SEPTIN10: variants seen among roughly 807,000 people sequenced by gnomAD.
SEPTIN10 encodes the protein septin-10.
Under a neutral mutation model 54.8 loss-of-function variants are expected in SEPTIN10, and 66 were observed. The ratio of observed to expected loss-of-function variants is 1.21; its 90% CI spans 0.99 to 1.48. SEPTIN10 has a LOEUF of 1.48. Ranked by LOEUF, SEPTIN10 falls within the 40% of genes most tolerant of loss-of-function variation. The pLI, the probability that SEPTIN10 is intolerant of heterozygous loss-of-function variation, is 0.00. For synonymous variants in SEPTIN10, 161 were observed against 181.0 expected (o/e 0.89, Z 0.89); for missense variants, 620 against 545.6 (o/e 1.14, Z -1.36).
At chr2:109,573,561 A>G (rs4953782) in intron 5 of SEPTIN10, among the ~76,000 whole-genome samples, 20,400 of 152,116 alleles carry the variant, frequency 0.13, 1,840 homozygotes, top group African/African-American at 0.26. Flanking sequence ...CGATGTGCCA[A>G]AGCTTCACTA....
chr2:109,560,945 A>T (rs1331744119), intron 8 of SEPTIN10, among the ~76,000 whole-genome samples: 2 of 152,300 alleles, frequency 1.3e-5, no homozygotes, highest in East Asian at 3.9e-4. Flanking sequence ...TAGTCAAAGA[A>T]ATGCTCTCCT....
In SEPTIN10 at chr2:109,543,348, T is replaced by C. The variant is rs1157349462; in HGVS notation, c.*961A>G. ...AAGGTACTTTATCCTTAGGAAAAAATAGCTTATATATCTGGATGTTTTAAC... is the reference window on the plus strand; with the variant it reads ...AAGGTACTTTATCCTTAGGAAAAAACAGCTTATATATCTGGATGTTTTAAC... On this transcript the variant is annotated 3_prime_UTR_variant, in exon 11 of 11. Transcript: ENST00000397712. 6 of 152,182 alleles carry C rather than the reference T, an allele frequency of 3.9e-5. No individual in the cohort carries two copies. Among genetic ancestry groups the C allele is most frequent in the African/African-American group, 7.2e-5 (3 of 41,446 alleles). The allele number at this position is 152,182 out of a possible 1,614,324, so 9.4% of individuals were successfully genotyped here. A position where few individuals can be genotyped will look rare whatever the true frequency, so the allele number is the denominator to read the frequency against.
chr2:109,571,827 C>T (rs1449618711), intron 5 of SEPTIN10, among the ~76,000 whole-genome samples: 1 of 152,190 alleles, frequency 6.6e-6, no homozygotes, highest in African/African-American at 2.4e-5. Context: ...AACAAGTGCT[C>T]ATTAGCTCTT....
At position 109,565,811 on chromosome 2, in the gene SEPTIN10, C is replaced by T. The variant is rs201356578; in HGVS notation, c.811G>A (p.Gly271Arg). The T allele has an allele frequency of 2.0e-4, 315 of 1,613,896 alleles. No individual in the cohort carries two copies. The highest frequency in any genetic ancestry group is 2.4e-4 in the Non-Finnish European group (284 of 1,180,004). Residue 271 changes from glycine (G) to arginine (R), a missense_variant, in exon 7 of 11, where the codon GGA becomes AGA. Physicochemically the swap from Gly to Arg is moderately radical, Grantham distance 125 (BLOSUM62 -2). Coordinates refer to ENST00000397712, the MANE Select transcript of SEPTIN10 (RefSeq NM_144710.5). ...VVGSMDEVKV[G>R]NKMVKARQYP... Reference sequence around the variant, plus strand: ...TGGCGAGCTTTGACCATCTTGTTTCCGACTTTTACCTCATCCATACTTCCC... The same window carrying T: ...TGGCGAGCTTTGACCATCTTGTTTCTGACTTTTACCTCATCCATACTTCCC...
intron 2 of SEPTIN10, among the ~76,000 whole-genome samples, chr2:109,589,154 C>T (rs1181062204): frequency 6.6e-6 from 1 of 151,432 alleles, no homozygotes; most frequent in Non-Finnish European, 1.5e-5. Flanking sequence ...TTTTGTTTTT[C>T]TTTTTTGAGA....
At chr2:109,596,293 T>G (rs185705490) in intron 1 of SEPTIN10, among the ~76,000 whole-genome samples, 1 of 152,232 alleles carries the variant, frequency 6.6e-6, no homozygotes, top group East Asian at 1.9e-4. Context: ...TTGCTTAGTG[T>G]TGATAAGTAA....
At chr2:109,586,569 C>T (rs961850250) in intron 2 of SEPTIN10, among the ~76,000 whole-genome samples, 7 of 152,130 alleles carry the variant, frequency 4.6e-5, no homozygotes, top group Non-Finnish European at 7.3e-5. Flanking sequence ...CCAAAATCTA[C>T]AAACACACTC....
chr2:109,574,454 A>AG, intron 5 of SEPTIN10, 127 bp downstream of exon 5: 1 of 619,566 alleles, frequency 1.6e-6, no homozygotes, highest in Admixed American at 4.5e-5. Context: ...AAAAAAAAAA[A>AG]AAAAAAAAAA....
chr2:109,568,417 G>C (rs1451943858), intron 5 of SEPTIN10, among the ~76,000 whole-genome samples: 1 of 148,766 alleles, frequency 6.7e-6, no homozygotes, highest in Admixed American at 6.7e-5. Flanking sequence ...TGTAACCCAG[G>C]CTGGAGTGCA....
At chr2:109,546,317 G>T in intron 9 of SEPTIN10, 80 bp from the exon 10 acceptor site, 3 of 872,208 alleles carry the variant, frequency 3.4e-6, no homozygotes, top group Non-Finnish European at 5.1e-6. Flanking sequence ...ACACAAAGGC[G>T]GACCCCATAG....
intron 1 of SEPTIN10, among the ~76,000 whole-genome samples, chr2:109,603,973 A>G (rs1697282082): frequency 1.3e-5 from 2 of 151,614 alleles, no homozygotes; most frequent in African/African-American, 4.8e-5. Flanking sequence ...CATCCTGGCT[A>G]ACACGGTGAA....
intron 2 of SEPTIN10, among the ~76,000 whole-genome samples, chr2:109,586,039 T>C (rs997743860): frequency 3.3e-5 from 5 of 152,158 alleles, no homozygotes; most frequent in African/African-American, 1.2e-4. Context: ...ACATTTCTTA[T>C]CCCCTTCATA....
chr2:109,558,897 T>C (rs1289501007), intron 8 of SEPTIN10, among the ~76,000 whole-genome samples: 1 of 152,014 alleles, frequency 6.6e-6, no homozygotes, highest in Non-Finnish European at 1.5e-5. Context: ...AAATTCTTTT[T>C]TTTTTTGAGA....
Position 109,566,442 on chromosome 2 carries a change from G to A in SEPTIN10, c.763-583C>T, listed in dbSNP as rs143757041. ...TAGGTGTGAGCCACCACACCTGGCC[G>A]AAAAAGAATTTTCCTCTAAAAGACA... On this transcript the variant is annotated intron_variant, in intron 6 of 10. Transcript: ENST00000397712. 3.9e-4 allele frequency among the ~76,000 whole-genome samples: 60 copies of A among 152,032 alleles called. 1 individual carries two copies. In the East Asian group the frequency reaches 4.1e-3, roughly 10 times the overall value.
chr2:109,588,998 A>G (rs968303185), intron 2 of SEPTIN10, among the ~76,000 whole-genome samples: 2 of 151,828 alleles, frequency 1.3e-5, no homozygotes, highest in Non-Finnish European at 2.9e-5. Flanking sequence ...ATTAGTTATC[A>G]AGAAAATGTA....
intron 9 of SEPTIN10, among the ~76,000 whole-genome samples, chr2:109,550,789 T>C (rs1376187499): frequency 1.3e-5 from 2 of 152,154 alleles, no homozygotes; most frequent in Admixed American, 6.5e-5. Context: ...CTGCCCTCTG[T>C]GCAAACCCCT....
At chr2:109,553,735 T>A (rs1683672017) in intron 8 of SEPTIN10, among the ~76,000 whole-genome samples, 1 of 151,490 alleles carries the variant, frequency 6.6e-6, no homozygotes. Flanking sequence ...GCGCCTGTAG[T>A]CCCAGCTACA....
At chr2:109,561,922 A>C (rs1355458776) in intron 8 of SEPTIN10, among the ~76,000 whole-genome samples, 1 of 152,176 alleles carries the variant, frequency 6.6e-6, no homozygotes, top group East Asian at 1.9e-4. Flanking sequence ...CAAGGCAGGC[A>C]GATCACTTTG....
intron 1 of SEPTIN10, among the ~76,000 whole-genome samples, chr2:109,608,442 C>A (rs1327073383): frequency 6.6e-6 from 1 of 152,166 alleles, no homozygotes; most frequent in East Asian, 1.9e-4. Flanking sequence ...TGATCTGATT[C>A]TTAAGGGAGG....
Sources: allele counts gnomAD v4.1 joint callset (sites outside exome capture counted in the v4.1 genomes callset), GRCh38; gene constraint gnomAD v4.1.1; transcripts MANE v1.5; gene names NCBI Gene and HGNC (gene_info 2026-07-23, HGNC 2026-07-21).